The following GMDS variants were observed in gnomAD, a reference collection of about 807,000 sequenced individuals.
GMDS encodes GDP-mannose 4,6 dehydratase.
A neutral mutation model predicts 49.9 loss-of-function variants in GMDS; 20 were observed. The observed-to-expected ratio is 0.40, with a 90% confidence interval of 0.28 to 0.58. GMDS has a LOEUF of 0.58. GMDS is among the 20% of genes least tolerant of loss of function. The probability of loss-of-function intolerance (pLI) is 0.42; values close to 1 mark genes in which losing one functional copy is unlikely to be tolerated. For synonymous variants in GMDS, 177 were observed against 178.6 expected (o/e 0.99, Z 0.07); for missense variants, 362 against 481.4 (o/e 0.75, Z 2.32).
chr6:2,068,195 G>A (rs1205368724), intron 4 of GMDS, among the ~76,000 whole-genome samples: 7 of 151,962 alleles, frequency 4.6e-5, no homozygotes, highest in Non-Finnish European at 1.0e-4. Context: ...TGCAGAAAAG[G>A]CCTTTGACAA....
At position 2,128,862 on chromosome 6, in the gene GMDS, G is replaced by T. The variant is rs1018668051; in HGVS notation, c.103-4131C>A. ...GAGGGAGAAAGGATACAGCACCTGAGATTTTCCCGGTCTGGGTTTTTGGGG... is the reference window on the plus strand; with the variant it reads ...GAGGGAGAAAGGATACAGCACCTGATATTTTCCCGGTCTGGGTTTTTGGGG... On this transcript the variant is annotated intron_variant, in intron 1 of 10. Coordinates refer to ENST00000380815, the MANE Select transcript of GMDS (RefSeq NM_001500.4). 3.9e-5 allele frequency among the ~76,000 whole-genome samples: 6 copies of T among 152,196 alleles called. 1 individual carries two copies. The highest frequency in any genetic ancestry group is 3.9e-4 in the Admixed American group (6 of 15,284).
chr6:1,851,170 AAAG>A (rs1006762193), intron 7 of GMDS, among the ~76,000 whole-genome samples: 22 of 152,310 alleles, frequency 1.4e-4, no homozygotes, highest in East Asian at 3.9e-4. Flanking sequence ...ACATTAGATA[AAAG>A]AAGAAGAAGA....
intron 1 of GMDS, among the ~76,000 whole-genome samples, chr6:2,130,750 T>G (rs1775690137): frequency 6.6e-6 from 1 of 151,928 alleles, no homozygotes; most frequent in South Asian, 2.1e-4. Context: ...ATGATTAGTT[T>G]GATAAGAAAA....
intron 1 of GMDS, among the ~76,000 whole-genome samples, chr6:2,223,392 T>C (rs908853630): frequency 7.3e-5 from 11 of 151,472 alleles, no homozygotes; most frequent in Non-Finnish European, 1.3e-4. Context: ...GAGCCACCAA[T>C]AGTTTAAGCT....
Position 1,900,082 on chromosome 6 carries a change from C to G in GMDS, c.771+30021G>C, listed in dbSNP as rs187035406. On this transcript the variant is annotated intron_variant, in intron 7 of 10. Coordinates refer to ENST00000380815, the MANE Select transcript of GMDS (RefSeq NM_001500.4). ...GTCAACGTTCAAGGCTTAAGTCACT[C>G]TATTTTCTACATGAACTGTCCCTTC... Among the ~76,000 whole-genome samples, 650 of 152,346 alleles carry G rather than the reference C, an allele frequency of 4.3e-3. 7 individuals are homozygous for G. Among genetic ancestry groups the G allele is most frequent in the Non-Finnish European group, 7.0e-3 (476 of 68,044 alleles).
At chr6:2,037,993 C>G (rs1457480326) in intron 4 of GMDS, among the ~76,000 whole-genome samples, 2 of 152,282 alleles carry the variant, frequency 1.3e-5, no homozygotes, top group Admixed American at 1.3e-4. Flanking sequence ...CACAATATCT[C>G]CAGTTTACCT....
intron 7 of GMDS, among the ~76,000 whole-genome samples, chr6:1,837,810 T>C (rs1756993399): frequency 6.6e-6 from 1 of 152,144 alleles, no homozygotes; most frequent in African/African-American, 2.4e-5. Context: ...CTTTGTGCAC[T>C]TTCCCACAGG....
At chr6:1,921,398 G>T (rs1196377164) in intron 7 of GMDS, among the ~76,000 whole-genome samples, 1 of 152,168 alleles carries the variant, frequency 6.6e-6, no homozygotes, top group Non-Finnish European at 1.5e-5. Flanking sequence ...GGCTCTACAG[G>T]TTCTTATTTG....
intron 7 of GMDS, among the ~76,000 whole-genome samples, chr6:1,780,099 G>T (rs534432077): frequency 1.3e-5 from 2 of 152,358 alleles, no homozygotes; most frequent in African/African-American, 4.8e-5. Flanking sequence ...GAAAAAGAGC[G>T]AAGTGAATCC....
chr6:2,042,251 T>C (rs1015807104), intron 4 of GMDS, among the ~76,000 whole-genome samples: 1 of 152,226 alleles, frequency 6.6e-6, no homozygotes, highest in Non-Finnish European at 1.5e-5. Context: ...CCTTAAAGTA[T>C]TCAACAGTTA....
chr6:2,074,454 T>C (rs549676897), intron 4 of GMDS, among the ~76,000 whole-genome samples: 309 of 152,268 alleles, frequency 2.0e-3, no homozygotes, highest in African/African-American at 7.3e-3. Flanking sequence ...TTCCGCTCAA[T>C]AGGTTGTTTC....
chr6:1,861,133 T>TC (rs1758162941), intron 7 of GMDS, among the ~76,000 whole-genome samples: 1 of 152,196 alleles, frequency 6.6e-6, no homozygotes, highest in African/African-American at 2.4e-5. Flanking sequence ...GCCAGATCAC[T>TC]GGAGGAGAGT....
chr6:2,234,609 C>CA (rs554345617), intron 1 of GMDS, among the ~76,000 whole-genome samples: 23 of 150,630 alleles, frequency 1.5e-4, no homozygotes, highest in African/African-American at 4.6e-4. Flanking sequence ...AACTCCGTAT[C>CA]AAAAAAAATA....
chr6:1,877,860 T>C (rs1299378758), intron 7 of GMDS, among the ~76,000 whole-genome samples: 1 of 152,146 alleles, frequency 6.6e-6, no homozygotes, highest in African/African-American at 2.4e-5. Context: ...ATACAAATTA[T>C]ATGATCTAAA....
intron 9 of GMDS, among the ~76,000 whole-genome samples, chr6:1,661,645 C>A (rs951352337): frequency 2.0e-5 from 3 of 152,220 alleles, no homozygotes; most frequent in African/African-American, 7.2e-5. Context: ...TGCAGGAGAT[C>A]TGCTGACAGG....
intron 1 of GMDS, among the ~76,000 whole-genome samples, chr6:2,222,194 C>T (rs530531432): frequency 6.6e-6 from 1 of 152,322 alleles, no homozygotes; most frequent in South Asian, 2.1e-4. Flanking sequence ...CCAGCACTCA[C>T]TGTAAGAAGT....
intron 9 of GMDS, among the ~76,000 whole-genome samples, chr6:1,715,949 C>G (rs1171699399): frequency 6.6e-6 from 1 of 152,176 alleles, no homozygotes; most frequent in Non-Finnish European, 1.5e-5. Flanking sequence ...AAAATTCAAA[C>G]AGCAGGTTTT....
chr6:2,167,584 C>T (rs951826639), intron 1 of GMDS, among the ~76,000 whole-genome samples: 2 of 152,180 alleles, frequency 1.3e-5, no homozygotes, highest in African/African-American at 4.8e-5. Flanking sequence ...AGAAGACATA[C>T]GATGCCCTTA....
intron 9 of GMDS, among the ~76,000 whole-genome samples, chr6:1,653,105 C>G (rs1223106797): frequency 6.6e-6 from 1 of 151,966 alleles, no homozygotes; most frequent in African/African-American, 2.4e-5. Flanking sequence ...CCTCCCTCCA[C>G]AGACCCCCGT....
Sources: allele counts gnomAD v4.1 joint callset (sites outside exome capture counted in the v4.1 genomes callset), GRCh38; gene constraint gnomAD v4.1.1; transcripts MANE v1.5; gene names NCBI Gene and HGNC (gene_info 2026-07-23, HGNC 2026-07-21).